Variants in BRD7 observed in about 807,000 individuals in gnomAD.
The protein encoded by BRD7 is bromodomain containing 7, also known as bromodomain-containing protein 7.
In BRD7, 15 loss-of-function variants were observed where a neutral mutation model predicts 82.1. That is an observed-to-expected ratio of 0.18 (90% CI 0.12 to 0.28). The LOEUF (loss-of-function observed/expected upper bound fraction) is 0.28, where lower values mean the gene tolerates loss of function less well. Ranked by LOEUF, BRD7 falls within the 10% of genes least tolerant of loss-of-function variation. BRD7 has a pLI of 1.00. For missense variants in BRD7, 638 were observed against 779.9 expected, an observed-to-expected ratio of 0.82 and a Z score of 2.17; for synonymous variants, 232 against 266.9, an observed-to-expected ratio of 0.87 and a Z score of 1.27.
At chr16:50,321,900 T>C in intron 13 of BRD7, 82 bp downstream of exon 13, 1 of 1,297,842 alleles carries the variant, frequency 7.7e-7, no homozygotes, top group Non-Finnish European at 1.1e-6. Flanking sequence ...TCTTACCCAA[T>C]GGGCCTTCCC....
chr16:50,323,796 C>T lies in BRD7; in HGVS notation c.1332-98G>A, dbSNP rs1597025679. 1.1e-5 allele frequency: 8 copies of T among 761,622 alleles called. No individual in the cohort carries two copies. In the Middle Eastern group the frequency reaches 7.0e-4, roughly 67 times the overall value. 47.2% of individuals were successfully genotyped at this position (761,622 alleles called of 1,614,324 possible). On this transcript the variant is annotated intron_variant, in intron 11 of 16. Coordinates refer to ENST00000394688, the MANE Select transcript of BRD7 (RefSeq NM_013263.5). ...TTTCCACTAGATGTCCTCGGTTATA[C>T]ATCATGACATCAAATTTCTGCCTAG...
At chr16:50,368,512 C>T in intron 1 of BRD7, 1 of 738,468 alleles carries the variant, frequency 1.4e-6, no homozygotes, top group South Asian at 2.0e-5. Context: ...CCTCACGTCT[C>T]CCCACCAGAG....
intron 11 of BRD7, 116 bp from the exon 12 acceptor site, chr16:50,323,814 C>A: frequency 2.9e-6 from 2 of 679,234 alleles, no homozygotes. Context: ...CATCAAATTT[C>A]TGCCTAGACA....
chr16:50,348,333 T>C (rs1324867545), intron 5 of BRD7, among the ~76,000 whole-genome samples: 3 of 152,168 alleles, frequency 2.0e-5, no homozygotes, highest in Non-Finnish European at 4.4e-5. Flanking sequence ...GGCTATACCA[T>C]TCAGGACATA....
intron 4 of BRD7, among the ~76,000 whole-genome samples, chr16:50,352,025 T>C (rs79785662): frequency 0.02 from 3,002 of 152,322 alleles, 95 homozygotes; most frequent in African/African-American, 0.068. Flanking sequence ...CCAGAGCTTA[T>C]TCCTCCCATC....
chr16:50,344,462 C>G lies in BRD7; in HGVS notation c.592-4376G>C, dbSNP rs374545448. 4.5e-4 allele frequency among the ~76,000 whole-genome samples: 68 copies of G among 152,288 alleles called. No individual in the cohort carries two copies. The South Asian group carries it at 0.014, about 31-fold the overall frequency. On this transcript the variant is annotated intron_variant, in intron 5 of 16. Transcript: ENST00000394688. ...GCTTCAGACGATCAGTAATAACAAA[C>G]TTCTCTGAGCTCAAGGAAGATGTTT...
chr16:50,351,819 C>G (rs578067848), intron 4 of BRD7, among the ~76,000 whole-genome samples: 2 of 140,020 alleles, frequency 1.4e-5, no homozygotes, highest in Admixed American at 1.5e-4. Context: ...TACAAGGATA[C>G]TTCGGTGTAT....
chr16:50,332,197 A>G lies in BRD7; in HGVS notation c.1011+1377T>C, dbSNP rs184962565. Among the ~76,000 whole-genome samples, 107 of 152,314 alleles carry G rather than the reference A, an allele frequency of 7.0e-4. 1 individual carries two copies. The highest frequency in any genetic ancestry group is 5.4e-4 in the Non-Finnish European group (37 of 68,036). On this transcript the variant is annotated intron_variant, in intron 8 of 16. Coordinates refer to ENST00000394688, the MANE Select transcript of BRD7 (RefSeq NM_013263.5). ...AAGAAACTATCAACAGAGTAAAGAA[A>G]CATCCCGCAGAACGGGAGAAAATAT...
chr16:50,340,661 T>G (rs1205831897), intron 5 of BRD7, among the ~76,000 whole-genome samples: 1 of 152,216 alleles, frequency 6.6e-6, no homozygotes. Flanking sequence ...AAACTAAACA[T>G]AATTTGCAGA....
At chr16:50,337,988 A>C (rs1428040512) in intron 6 of BRD7, among the ~76,000 whole-genome samples, 9 of 152,194 alleles carry the variant, frequency 5.9e-5, no homozygotes, top group Non-Finnish European at 1.3e-4. Flanking sequence ...AAAATTCAAG[A>C]GATAATGGAA....
At chr16:50,361,473 T>G (rs1052577809) in intron 2 of BRD7, among the ~76,000 whole-genome samples, 2 of 152,192 alleles carry the variant, frequency 1.3e-5, no homozygotes, top group Non-Finnish European at 2.9e-5. Context: ...TAAGACATCA[T>G]TTGGGTTAGG....
chr16:50,321,150 T>G (rs1253358764), intron 13 of BRD7, among the ~76,000 whole-genome samples: 1 of 152,240 alleles, frequency 6.6e-6, no homozygotes, highest in African/African-American at 2.4e-5. Context: ...CAAAGACTAT[T>G]TCATATTTCA....
At chr16:50,337,827 T>C (rs11644386) in intron 6 of BRD7, among the ~76,000 whole-genome samples, 38,783 of 151,554 alleles carry the variant, frequency 0.26, 5,915 homozygotes, top group African/African-American at 0.42. Context: ...GAACAGTCAA[T>C]AGGAAGCTAA....
intron 1 of BRD7, 200 bp from the exon 2 acceptor site, chr16:50,368,498 C>T: frequency 1.3e-6 from 1 of 749,740 alleles, no homozygotes; most frequent in Non-Finnish European, 2.1e-6. Flanking sequence ...GCCTCCCGGG[C>T]CCGCCTCACG....
In BRD7 at chr16:50,320,759, G is replaced by T. The variant is rs772243482; in HGVS notation, c.1516C>A (p.Pro506Thr). 1.2e-6 allele frequency: 2 copies of T among 1,613,568 alleles called. No homozygotes were observed. The highest frequency in any genetic ancestry group is 1.7e-5 in the Admixed American group (1 of 60,018). Residue 506 changes from proline to threonine, a missense_variant, in exon 14 of 17, where the codon CCA becomes ACA. Transcript: ENST00000394688. ...AKEMEITEVEPPGRLDSSTQD... is the reference protein window; with the variant it reads ...AKEMEITEVETPGRLDSSTQD... ...GTACTGGAGTCCAAACGCCCTGGTGGCTCTACTTCTGTAATCTGCTTCAAA... is the reference window on the plus strand; with the variant it reads ...GTACTGGAGTCCAAACGCCCTGGTGTCTCTACTTCTGTAATCTGCTTCAAA...
At position 50,340,006 on chromosome 16, in the gene BRD7, C is replaced by A. The variant is rs1323969014; in HGVS notation, c.672G>T (p.Leu224=). ...TAAGAATTTTCATTCCTGAGTGCAA[C>A]AGCTTCTTTGCAGCTTTATAATAAA... is the stretch of plus-strand genomic sequence containing the variant. ...ETIYYKAAKK[L]LHSGMKILSQ... Residue 224 remains leucine (L), a synonymous_variant, in exon 6 of 17, where the codon CTG becomes CTT. Transcript: ENST00000394688. 1.3e-6 allele frequency: 2 copies of A among 1,597,790 alleles called. No homozygotes were observed. The highest frequency in any genetic ancestry group is 1.4e-5 in the African/African-American group (1 of 73,714).
At chr16:50,341,928 TCACACACACACACA>T (rs375793137) in intron 5 of BRD7, among the ~76,000 whole-genome samples, 103 of 143,658 alleles carry the variant, frequency 7.2e-4, no homozygotes, top group African/African-American at 1.8e-3. Flanking sequence ...TGCACACTTT[TCACACACACACACA>T]CACACACACA....
chr16:50,354,540 A>C (rs1380457163), intron 3 of BRD7, 58 bp from the exon 4 acceptor site: 2 of 1,386,850 alleles, frequency 1.4e-6, no homozygotes, highest in East Asian at 4.6e-5. Flanking sequence ...AGAGAGTATT[A>C]TTTACTAGAT....
At chr16:50,334,113 C>A (rs987786359) in intron 7 of BRD7, among the ~76,000 whole-genome samples, 1 of 152,192 alleles carries the variant, frequency 6.6e-6, no homozygotes, top group African/African-American at 2.4e-5. Flanking sequence ...ATTATGACAG[C>A]AAAAATCCCA....
Sources: gnomAD v4.1 joint callset for allele counts (sites outside exome capture counted in the v4.1 genomes callset) on GRCh38, gnomAD v4.1.1 for gene constraint, MANE v1.5 for transcripts, NCBI Gene and HGNC (gene_info 2026-07-23, HGNC 2026-07-21) for gene names.